Variants in PCDHGB2 observed in about 807,000 individuals in gnomAD.
The protein encoded by PCDHGB2 is protocadherin gamma-B2.
Under a neutral mutation model 59.3 loss-of-function variants are expected in PCDHGB2, and 55 were observed. The observed-to-expected ratio is 0.93, with a 90% confidence interval of 0.75 to 1.16. The LOEUF (loss-of-function observed/expected upper bound fraction) is 1.16, where lower values mean the gene tolerates loss of function less well. PCDHGB2 is among the 50% of genes most tolerant of loss of function. PCDHGB2 has a pLI of 0.00. For synonymous variants in PCDHGB2, 516 were observed against 512.0 expected, an observed-to-expected ratio of 1.01 and a Z score of -0.11; for missense variants, 1,228 against 1,198.5, an observed-to-expected ratio of 1.02 and a Z score of -0.36.
chr5:141,495,276 G>A (rs1350329744), intron 2 of PCDHGB2, among the ~76,000 whole-genome samples: 1 of 152,190 alleles, frequency 6.6e-6, no homozygotes, highest in East Asian at 1.9e-4. Flanking sequence ...GACCGGAGGA[G>A]GCGGTCCGCA....
chr5:141,361,272 T>C lies in PCDHGB2; in HGVS notation c.1137T>C (p.Asn379=). The C allele has an allele frequency of 1.2e-6, 2 of 1,613,890 alleles. No individual in the cohort carries two copies. The highest frequency in any genetic ancestry group is 1.7e-6 in the Non-Finnish European group (2 of 1,179,876). The change falls in exon 1 of 4, where the codon AAT becomes AAC. Residue 379 remains asparagine, a synonymous_variant. Transcript: ENST00000522605. The part of the protein sequence containing the change: ...IKTRDRDSGE[N]GEVYCQVLGN... ...CGAGAGACAGAGACTCTGGAGAAAATGGAGAAGTTTACTGCCAAGTGTTGG... is the reference window on the plus strand; with the variant it reads ...CGAGAGACAGAGACTCTGGAGAAAACGGAGAAGTTTACTGCCAAGTGTTGG...
At chr5:141,410,319 C>A in intron 1 of PCDHGB2, 2 of 1,614,018 alleles carry the variant, frequency 1.2e-6, no homozygotes, top group Admixed American at 1.7e-5. Flanking sequence ...TTCCTCCTCG[C>A]CGTGATTCTG....
In PCDHGB2 at chr5:141,418,905, T is replaced by C. The variant is rs144920415; in HGVS notation, c.2421+56349T>C. The C allele has an allele frequency of 5.0e-6, 8 of 1,613,944 alleles. No homozygotes were observed. The East Asian group carries it at 1.8e-4, about 36-fold the overall frequency. ...AACGACAACAGCCCAGAAATAATCA[T>C]CACGTCACTCTCTGATCAGATTATG... On this transcript the variant is annotated intron_variant, in intron 1 of 3. Coordinates refer to ENST00000522605, the MANE Select transcript of PCDHGB2 (RefSeq NM_018923.3).
intron 1 of PCDHGB2, among the ~76,000 whole-genome samples, chr5:141,483,980 G>C (rs1379963326): frequency 2.0e-5 from 3 of 148,294 alleles, no homozygotes; most frequent in African/African-American, 7.5e-5. Flanking sequence ...CAAGGGAGTA[G>C]CTAGGTTGCT....
chr5:141,428,381 C>T, intron 1 of PCDHGB2: 1 of 516,406 alleles, frequency 1.9e-6, no homozygotes, highest in Non-Finnish European at 3.6e-6. Context: ...CTGCGATGCT[C>T]TTCCAGCCCC....
intron 3 of PCDHGB2, among the ~76,000 whole-genome samples, chr5:141,507,590 T>C (rs531629336): frequency 1.3e-5 from 2 of 152,374 alleles, no homozygotes; most frequent in African/African-American, 4.8e-5. Context: ...AGTTGGCCTC[T>C]TGAGGGAAAT....
At chr5:141,402,947 G>A in intron 1 of PCDHGB2, 1 of 1,592,724 alleles carries the variant, frequency 6.3e-7, no homozygotes, top group South Asian at 1.1e-5. Flanking sequence ...CCAAAGCGAG[G>A]CAGCAATGGC....
chr5:141,362,255 T>C lies in PCDHGB2; in HGVS notation c.2120T>C (p.Val707Ala). ...ALISVLFFLA[V>A]ILAISLRLRL... Reference sequence around the variant, plus strand: ...ATCTCAGTGCTCTTCTTCCTCGCGGTGATTCTGGCAATCTCCCTGCGCCTG... The same window carrying C: ...ATCTCAGTGCTCTTCTTCCTCGCGGCGATTCTGGCAATCTCCCTGCGCCTG... The change falls in exon 1 of 4, where the codon GTG becomes GCG. Residue 707 changes from valine to alanine, a missense_variant. Transcript: ENST00000522605. 3.1e-6 allele frequency: 5 copies of C among 1,614,020 alleles called. No individual in the cohort carries two copies. Among genetic ancestry groups the C allele is most frequent in the Non-Finnish European group, 4.2e-6 (5 of 1,179,902 alleles).
At chr5:141,420,018 G>A (rs2096458708) in intron 1 of PCDHGB2, 2 of 1,613,948 alleles carry the variant, frequency 1.2e-6, no homozygotes, top group African/African-American at 1.3e-5. Flanking sequence ...CAGTCTTTCA[G>A]CCCTACTGCA....
chr5:141,418,299 G>C lies in PCDHGB2; in HGVS notation c.2421+55743G>C, dbSNP rs767901461. 5 of 1,614,046 alleles carry C rather than the reference G, an allele frequency of 3.1e-6. No individual in the cohort carries two copies. In the Admixed American group the frequency reaches 8.3e-5, roughly 27 times the overall value. On this transcript the variant is annotated intron_variant, in intron 1 of 3. Coordinates refer to ENST00000522605, the MANE Select transcript of PCDHGB2 (RefSeq NM_018923.3). ...AACTTAGAAATCAGTGAATCCGTCA[G>C]CCTGGGGATGGGAACAATTCTTGAG...
chr5:141,421,833 C>T (rs1364245594), intron 1 of PCDHGB2: 6 of 1,613,756 alleles, frequency 3.7e-6, no homozygotes, highest in Non-Finnish European at 4.2e-6. Flanking sequence ...GAAGCCTGGA[C>T]CGAGAGAAAG....
Position 141,362,396 on chromosome 5 carries a change from T to C in PCDHGB2, c.2261T>C (p.Leu754Pro). ...GGTACATTGCCCTATTCCTACAACC[T>C]GTGTGTTGCCTCACAATCAGCCAAG... is the stretch of plus-strand genomic sequence containing the variant. Reference protein sequence around the residue: ...SEGTLPYSYNLCVASQSAKTE... With the variant: ...SEGTLPYSYNPCVASQSAKTE... The change falls in exon 1 of 4, where the codon CTG (leucine) becomes CCG (proline). Residue 754 changes from leucine (L) to proline (P), a missense_variant. Physicochemically the swap from Leu to Pro is moderately conservative, Grantham distance 98. Transcript: ENST00000522605. The C allele has an allele frequency of 6.2e-7, 1 of 1,614,058 alleles. No homozygotes were observed. The highest frequency in any genetic ancestry group is 1.3e-5 in the African/African-American group (1 of 75,064).
chr5:141,404,533 T>A, intron 1 of PCDHGB2: 2 of 1,613,926 alleles, frequency 1.2e-6, no homozygotes. Flanking sequence ...AGTTTAGAGA[T>A]TTGCAAATGC....
Position 141,477,912 on chromosome 5 carries a change from A to T in PCDHGB2, c.2422-16895A>T. The T allele has an allele frequency of 6.2e-7, 1 of 1,614,166 alleles. No individual in the cohort carries two copies. Among genetic ancestry groups the T allele is most frequent in the Non-Finnish European group, 8.5e-7 (1 of 1,180,022 alleles). ...TCACGGGTGGTAGGCTGGGACGCGGATGCAGGGCACAATGCCTGGCTCTCC... is the reference window on the plus strand; with the variant it reads ...TCACGGGTGGTAGGCTGGGACGCGGTTGCAGGGCACAATGCCTGGCTCTCC... On this transcript the variant is annotated intron_variant, in intron 1 of 3. Coordinates refer to ENST00000522605, the MANE Select transcript of PCDHGB2 (RefSeq NM_018923.3). This position sits in a 1 kb window ranked among gnomAD's most constrained non-coding sequence, Gnocchi z 4.9.
In PCDHGB2 at chr5:141,490,858, G is replaced by C. The variant is rs775132338; in HGVS notation, c.2422-3949G>C. On this transcript the variant is annotated intron_variant, in intron 1 of 3. Coordinates refer to ENST00000522605, the MANE Select transcript of PCDHGB2 (RefSeq NM_018923.3). The surrounding 1 kb of genome is among the most constrained non-coding windows in gnomAD (Gnocchi z 5.4). ...GATTGTGGTGGGGGTTCGAGACTCC[G>C]GCTCTCCCCCATTGCATGCCAACAC... The C allele has an allele frequency of 1.5e-5, 24 of 1,613,704 alleles. 1 individual carries two copies. Among genetic ancestry groups the C allele is most frequent in the Non-Finnish European group, 2.0e-5 (24 of 1,179,918 alleles).
chr5:141,382,594 A>C, intron 1 of PCDHGB2: 1 of 249,844 alleles, frequency 4.0e-6, no homozygotes, highest in Non-Finnish European at 7.6e-6. Context: ...GAAAGATGAA[A>C]CAATTTTCTA....
At chr5:141,383,656 G>A in intron 1 of PCDHGB2, 1 of 1,614,008 alleles carries the variant, frequency 6.2e-7, no homozygotes, top group South Asian at 1.1e-5. Context: ...AACTGTCCCC[G>A]AGAATGTGCC....
At position 141,491,101 on chromosome 5, in the gene PCDHGB2, G is replaced by A. The variant is rs1270788252; in HGVS notation, c.2422-3706G>A. Reference sequence around the variant, plus strand: ...GTCCACAGCCCCAGGACTGTTCCTCGTGTCTACACACACTGGTGAGGTGCG... The same window carrying A: ...GTCCACAGCCCCAGGACTGTTCCTCATGTCTACACACACTGGTGAGGTGCG... On this transcript the variant is annotated intron_variant, in intron 1 of 3. Transcript: ENST00000522605. This position sits in a 1 kb window ranked among gnomAD's most constrained non-coding sequence, Gnocchi z 6.9. The A allele has an allele frequency of 8.1e-6, 13 of 1,614,102 alleles. No individual in the cohort carries two copies. In the East Asian group the frequency reaches 1.6e-4, roughly 19 times the overall value.
chr5:141,405,370 G>T (rs2094649512), intron 1 of PCDHGB2: 1 of 1,606,236 alleles, frequency 6.2e-7, no homozygotes, highest in Non-Finnish European at 8.5e-7. Context: ...ACACCCCTTT[G>T]GTTCCGGTGA....
Sources: allele counts gnomAD v4.1 joint callset (sites outside exome capture counted in the v4.1 genomes callset), GRCh38; gene constraint gnomAD v4.1.1; non-coding constraint Gnocchi (gnomAD v3.1); transcripts MANE v1.5; gene names NCBI Gene and HGNC (gene_info 2026-07-23, HGNC 2026-07-21).